The following TGFBR3 variants were observed in gnomAD, a reference collection of about 807,000 sequenced individuals.
TGFBR3 encodes the protein transforming growth factor beta receptor 3, also known as transforming growth factor beta receptor type 3.
TGFBR3 carries 46 observed loss-of-function variants against 87.9 expected under a neutral mutation model. The ratio of observed to expected loss-of-function variants is 0.52; its 90% CI spans 0.41 to 0.67. The LOEUF (loss-of-function observed/expected upper bound fraction) is 0.67. Ranked by LOEUF, TGFBR3 falls within the 30% of genes least tolerant of loss-of-function variation. The probability of loss-of-function intolerance (pLI) is 0.00; values close to 1 mark genes in which losing one functional copy is unlikely to be tolerated. For synonymous variants in TGFBR3, 381 were observed against 391.6 expected, an observed-to-expected ratio of 0.97 and a Z score of 0.32; for missense variants, 866 against 1,041.9, an observed-to-expected ratio of 0.83 and a Z score of 2.32.
At chr1:91,869,949 G>A (rs971136348) in intron 1 of TGFBR3, among the ~76,000 whole-genome samples, 5 of 152,124 alleles carry the variant, frequency 3.3e-5, no homozygotes, top group African/African-American at 1.2e-4. Flanking sequence ...AAACACACTT[G>A]TGGAAATCTG....
At chr1:91,841,930 C>G (rs1677303603) in intron 2 of TGFBR3, among the ~76,000 whole-genome samples, 1 of 151,758 alleles carries the variant, frequency 6.6e-6, no homozygotes, top group Non-Finnish European at 1.5e-5. Flanking sequence ...AAAACCCCGT[C>G]TCTACCAAAA....
chr1:91,717,500 A>G (rs1038200227), intron 10 of TGFBR3, among the ~76,000 whole-genome samples: 2 of 152,214 alleles, frequency 1.3e-5, no homozygotes, highest in South Asian at 2.1e-4. Context: ...ATTTCTAAAT[A>G]GGATGAGAAA....
chr1:91,849,324 G>A (rs186062452), intron 2 of TGFBR3, among the ~76,000 whole-genome samples: 3 of 152,120 alleles, frequency 2.0e-5, no homozygotes, highest in South Asian at 2.1e-4. Context: ...CACCCGCACC[G>A]TCTCCCACCC....
intron 3 of TGFBR3, among the ~76,000 whole-genome samples, chr1:91,775,593 C>T (rs1364146689): frequency 6.6e-6 from 1 of 152,234 alleles, no homozygotes; most frequent in Non-Finnish European, 1.5e-5. Flanking sequence ...CTGGGAAATC[C>T]TTTCATTTAC....
rs1261749860 is a variant in TGFBR3, at chr1:91,734,885, G to A, written c.459C>T (p.Phe153=). 56 of 1,614,202 alleles carry A rather than the reference G, an allele frequency of 3.5e-5. No homozygotes were observed. Among genetic ancestry groups the A allele is most frequent in the Non-Finnish European group, 4.6e-5 (54 of 1,180,026 alleles). The change falls in exon 5 of 17, where the codon TTC becomes TTT. Residue 153 remains phenylalanine, a synonymous_variant. Coordinates refer to ENST00000212355, the MANE Select transcript of TGFBR3 (RefSeq NM_003243.5). ...TTAACAGATGTTCATTTCCATGGGG[G>A]AAGTTCCTTTCTTCTGTTTCTGCTG... The part of the protein sequence containing the change: ...SLTAETEERN[F]PHGNEHLLNW...
intron 2 of TGFBR3, among the ~76,000 whole-genome samples, chr1:91,802,364 T>C (rs1326423456): frequency 6.6e-6 from 1 of 151,738 alleles, no homozygotes; most frequent in Non-Finnish European, 1.5e-5. Flanking sequence ...CTTTTTTTTC[T>C]TTTTCTTTTT....
chr1:91,756,236 A>G (rs891632208), intron 4 of TGFBR3, among the ~76,000 whole-genome samples: 9 of 152,174 alleles, frequency 5.9e-5, no homozygotes, highest in African/African-American at 2.2e-4. Flanking sequence ...ACGCACAGCT[A>G]TTTCCTATAG....
intron 3 of TGFBR3, among the ~76,000 whole-genome samples, chr1:91,772,938 G>C (rs1179149138): frequency 6.6e-6 from 1 of 152,162 alleles, no homozygotes; most frequent in African/African-American, 2.4e-5. Context: ...CTGATTTCTA[G>C]AAAATAATCA....
intron 1 of TGFBR3, among the ~76,000 whole-genome samples, chr1:91,875,785 G>T (rs1430436101): frequency 1.3e-3 from 11 of 8,496 alleles, no homozygotes; most frequent in Non-Finnish European, 2.5e-3. Context: ...CTACTCGGGC[G>T]GGGGGGGGGG....
rs1320009175 is a variant in TGFBR3 at position 91,720,013 on chromosome 1, G to A, written c.1293C>T (p.Ser431=). 3.1e-6 allele frequency: 5 copies of A among 1,614,224 alleles called. No individual in the cohort carries two copies. Among genetic ancestry groups the A allele is most frequent in the Non-Finnish European group, 4.2e-6 (5 of 1,180,034 alleles). The change falls in exon 9 of 17, where the codon AGC becomes AGT. Residue 431 remains serine, a synonymous_variant. Transcript: ENST00000212355. ...CTCTGAGACCAGGAAACAGTTGTAT[G>A]CTGGGAATGACAGGGTCCTTTGGCC... ...LPRPKDPVIP[S]IQLFPGLREP...
chr1:91,838,908 T>C (rs933242554), intron 2 of TGFBR3, among the ~76,000 whole-genome samples: 1 of 152,228 alleles, frequency 6.6e-6, no homozygotes, highest in African/African-American at 2.4e-5. Flanking sequence ...GGTTGAAGGA[T>C]ATGAAGAAAT....
rs754474478 is a variant in TGFBR3 at position 91,683,668 on chromosome 1, T to A, written c.*71A>T. 2.0e-4 allele frequency: 256 copies of A among 1,275,816 alleles called. No individual in the cohort carries two copies. The highest frequency in any genetic ancestry group is 5.2e-4 in the Middle Eastern group (2 of 3,842). The allele number at this position is 1,275,816 out of a possible 1,614,324, so 79.0% of individuals were successfully genotyped here. ...GAGTCTGGACACGAGGCTCAGCCATTGGTCCTGCCCTTGGCAGTAGCTGAG... is the reference window on the plus strand; with the variant it reads ...GAGTCTGGACACGAGGCTCAGCCATAGGTCCTGCCCTTGGCAGTAGCTGAG... On this transcript the variant is annotated 3_prime_UTR_variant, in exon 17 of 17. Coordinates refer to ENST00000212355, the MANE Select transcript of TGFBR3 (RefSeq NM_003243.5).
At chr1:91,759,272 A>C (rs1038850826) in intron 3 of TGFBR3, among the ~76,000 whole-genome samples, 1 of 151,492 alleles carries the variant, frequency 6.6e-6, no homozygotes, top group Admixed American at 6.6e-5. Flanking sequence ...GCGGCTGCCA[A>C]GGGAGGCTGC....
intron 1 of TGFBR3, among the ~76,000 whole-genome samples, chr1:91,873,124 C>T (rs1159115589): frequency 6.6e-6 from 1 of 151,970 alleles, no homozygotes; most frequent in Non-Finnish European, 1.5e-5. Context: ...TGCCCCACCA[C>T]ACCCAGCTGA....
chr1:91,885,465 C>T (rs1003352724), intron 1 of TGFBR3, among the ~76,000 whole-genome samples: 1 of 152,172 alleles, frequency 6.6e-6, no homozygotes, highest in African/African-American at 2.4e-5. Context: ...CCGGGAGCCA[C>T]AGCCTGGGCC....
At chr1:91,782,101 T>G (rs981306845) in intron 3 of TGFBR3, among the ~76,000 whole-genome samples, 6 of 152,166 alleles carry the variant, frequency 3.9e-5, no homozygotes, top group Admixed American at 2.0e-4. Context: ...ACACATGGGC[T>G]GACAACATAC....
intron 1 of TGFBR3, among the ~76,000 whole-genome samples, chr1:91,867,036 G>A (rs188352809): frequency 3.9e-5 from 6 of 152,316 alleles, no homozygotes; most frequent in African/African-American, 1.4e-4. Flanking sequence ...GATCAGAATG[G>A]AGCCTCAGTT....
At chr1:91,783,757 A>G (rs1399400513) in intron 3 of TGFBR3, among the ~76,000 whole-genome samples, 1 of 152,234 alleles carries the variant, frequency 6.6e-6, no homozygotes, top group Non-Finnish European at 1.5e-5. Flanking sequence ...ACAAATTACT[A>G]TATCGGCAGG....
chr1:91,882,732 G>A (rs189395714), intron 1 of TGFBR3, among the ~76,000 whole-genome samples: 2 of 152,162 alleles, frequency 1.3e-5, no homozygotes, highest in Admixed American at 6.6e-5. Flanking sequence ...GCGACAGAGC[G>A]AGAGACTCCA....
Sources: gnomAD v4.1 joint callset for allele counts (sites outside exome capture counted in the v4.1 genomes callset) on GRCh38, gnomAD v4.1.1 for gene constraint, MANE v1.5 for transcripts, NCBI Gene and HGNC (gene_info 2026-07-23, HGNC 2026-07-21) for gene names.